The following FHL2 variants were observed in gnomAD, a reference collection of about 807,000 sequenced individuals.
FHL2 encodes the protein four and a half LIM domains protein 2.
FHL2 carries 20 observed loss-of-function variants against 32.7 expected under a neutral mutation model. That is an observed-to-expected ratio of 0.61 (90% confidence interval 0.43 to 0.89). FHL2 has a LOEUF of 0.89. Ranked by LOEUF, FHL2 falls within the 40% of genes least tolerant of loss-of-function variation. FHL2 has a pLI of 0.00. For synonymous variants in FHL2, 123 were observed against 128.1 expected (o/e 0.96, Z 0.27); for missense variants, 311 against 358.6 (o/e 0.87, Z 1.07).
At chr2:105,436,286 G>T (rs995806520) in intron 1 of FHL2, among the ~76,000 whole-genome samples, 2 of 152,106 alleles carry the variant, frequency 1.3e-5, no homozygotes, top group African/African-American at 4.8e-5. Flanking sequence ...TGATTCAAAA[G>T]GGACCAGTAA....
chr2:105,398,019 T>C (rs1683264855), intron 1 of FHL2, among the ~76,000 whole-genome samples: 4 of 152,062 alleles, frequency 2.6e-5, no homozygotes, highest in Admixed American at 2.6e-4. Context: ...TTGAAGACAG[T>C]TCTCCTGATT....
chr2:105,382,340 C>T (rs1487831036), intron 3 of FHL2, among the ~76,000 whole-genome samples: 1 of 152,218 alleles, frequency 6.6e-6, no homozygotes, highest in Non-Finnish European at 1.5e-5. Context: ...CCACATCTGG[C>T]CCGAGAGTCA....
chr2:105,419,926 A>C (rs1448759072), intron 1 of FHL2, among the ~76,000 whole-genome samples: 1 of 152,192 alleles, frequency 6.6e-6, no homozygotes, highest in Non-Finnish European at 1.5e-5. Context: ...GTCCAGTATG[A>C]CTGAACATGC....
upstream of FHL2, among the ~76,000 whole-genome samples, chr2:105,401,242 T>C (rs1683460809): frequency 6.6e-6 from 1 of 152,156 alleles, no homozygotes; most frequent in Non-Finnish European, 1.5e-5. Flanking sequence ...ATTTTTCTTT[T>C]CTTAAGTCCT....
intron 1 of FHL2, among the ~76,000 whole-genome samples, chr2:105,425,345 G>A (rs1026647764): frequency 1.3e-5 from 2 of 152,216 alleles, no homozygotes; most frequent in African/African-American, 4.8e-5. Context: ...GGGGCACAAT[G>A]CACTGCAGAA....
chr2:105,363,556 G>T, intron 5 of FHL2, 85 bp from the exon 6 acceptor site: 1 of 1,281,554 alleles, frequency 7.8e-7, no homozygotes, highest in Non-Finnish European at 1.1e-6. Context: ...GACGATGCAA[G>T]ATCCTCATCC....
intron 4 of FHL2, among the ~76,000 whole-genome samples, chr2:105,368,419 A>T (rs1680790211): frequency 6.6e-6 from 1 of 152,122 alleles, no homozygotes; most frequent in Non-Finnish European, 1.5e-5. Context: ...GCAGCCTTGA[A>T]CATCTGGGCT....
At chr2:105,390,406 C>T (rs1476148506) in intron 2 of FHL2, among the ~76,000 whole-genome samples, 2 of 152,204 alleles carry the variant, frequency 1.3e-5, no homozygotes, top group Non-Finnish European at 2.9e-5. Context: ...CAGCTGCTAT[C>T]TGCTCAGTGG....
intron 2 of FHL2, among the ~76,000 whole-genome samples, chr2:105,396,160 C>A: frequency 6.6e-6 from 1 of 152,064 alleles, no homozygotes; most frequent in African/African-American, 2.4e-5. Flanking sequence ...AAGAGATGTA[C>A]ATAGAGAGAT....
chr2:105,412,952 T>TG (rs1445530400), intron 1 of FHL2, among the ~76,000 whole-genome samples: 1 of 151,838 alleles, frequency 6.6e-6, no homozygotes, highest in Non-Finnish European at 1.5e-5. Context: ...AGAGGTCTGA[T>TG]GGGAAAAAAA....
At chr2:105,382,477 C>T (rs570411507) in intron 3 of FHL2, among the ~76,000 whole-genome samples, 2 of 152,326 alleles carry the variant, frequency 1.3e-5, no homozygotes, top group East Asian at 1.9e-4. Flanking sequence ...TGGCAAGATC[C>T]TCATCCTCTC....
chr2:105,437,886 C>T (rs374870738), intron 1 of FHL2, among the ~76,000 whole-genome samples: 21 of 152,308 alleles, frequency 1.4e-4, no homozygotes, highest in African/African-American at 4.3e-4. Flanking sequence ...AGTCATGTTG[C>T]ATAAACACAC....
chr2:105,400,259 G>C (rs539578980), upstream of FHL2, among the ~76,000 whole-genome samples: 10 of 152,314 alleles, frequency 6.6e-5, no homozygotes, highest in South Asian at 8.3e-4. Context: ...AGCCATGTAA[G>C]TATATTACGG....
downstream of FHL2, chr2:105,360,117 A>G (rs1680154548): frequency 6.6e-6 from 1 of 152,136 alleles, no homozygotes; most frequent in African/African-American, 2.4e-5. Flanking sequence ...CCAGCCTAAC[A>G]TGGTGAAACC....
intron 1 of FHL2, among the ~76,000 whole-genome samples, chr2:105,419,761 G>C (rs1286944812): frequency 2.0e-5 from 3 of 152,164 alleles, no homozygotes; most frequent in Non-Finnish European, 4.4e-5. Context: ...TTCTATGAAT[G>C]TCCCTTCACA....
intron 3 of FHL2, among the ~76,000 whole-genome samples, chr2:105,382,759 T>C (rs904112369): frequency 2.0e-5 from 3 of 152,242 alleles, no homozygotes; most frequent in Non-Finnish European, 4.4e-5. Context: ...TCCAATTTCA[T>C]GGCATTGCTT....
upstream of FHL2, among the ~76,000 whole-genome samples, chr2:105,401,140 C>T (rs755587662): frequency 1.7e-4 from 24 of 144,756 alleles, no homozygotes; most frequent in Non-Finnish European, 3.0e-4. Flanking sequence ...TTTTATGAGA[C>T]AACCTTGGAA....
At chr2:105,408,653 C>T (rs1683705778) in intron 1 of FHL2, among the ~76,000 whole-genome samples, 1 of 152,214 alleles carries the variant, frequency 6.6e-6, no homozygotes, top group Non-Finnish European at 1.5e-5. Context: ...ATGGGGCAGA[C>T]AGTTAGTGAG....
At position 105,398,975 on chromosome 2, in the gene FHL2, C is replaced by G. The variant is rs1255082152; in HGVS notation, c.-209G>C. 3 of 1,518,290 alleles carry G rather than the reference C, an allele frequency of 2.0e-6. No homozygotes were observed. The highest frequency in any genetic ancestry group is 2.6e-6 in the Non-Finnish European group (3 of 1,137,552). 94.1% of individuals were successfully genotyped at this position (1,518,290 alleles called of 1,614,324 possible). The stretch of plus-strand genomic sequence containing the variant: ...AGGGGGTTGGAGGTACTCACGGCAC[C>G]GCAGCGGGCCGGGGACTCCCGGACG... On this transcript the variant is annotated 5_prime_UTR_variant, in exon 1 of 7. Transcript: ENST00000530340.
Sources: allele counts gnomAD v4.1 joint callset (sites outside exome capture counted in the v4.1 genomes callset), GRCh38; gene constraint gnomAD v4.1.1; transcripts MANE v1.5; gene names NCBI Gene and HGNC (gene_info 2026-07-23, HGNC 2026-07-21).